SRPRA: variants seen among roughly 807,000 people sequenced by gnomAD.
SRPRA encodes signal recognition particle receptor subunit alpha.
A neutral mutation model predicts 61.1 loss-of-function variants in SRPRA; 30 were observed. The observed-to-expected ratio is 0.49, with a 90% CI of 0.37 to 0.67. The LOEUF (loss-of-function observed/expected upper bound fraction) is 0.67. Ranked by LOEUF, SRPRA falls within the 30% of genes least tolerant of loss-of-function variation. The pLI is 0.00. For missense variants in SRPRA, 759 were observed against 828.4 expected, an observed-to-expected ratio of 0.92 and a Z score of 1.03; for synonymous variants, 324 against 299.7, an observed-to-expected ratio of 1.08 and a Z score of -0.84.
the SRPRA span, among the ~76,000 whole-genome samples, chr11:126,237,680 T>TAAAAAA: frequency 1.2e-5 from 1 of 85,932 alleles, no homozygotes; most frequent in African/African-American, 4.7e-5. Flanking sequence ...CTGTCTCTAC[T>TAAAAAA]AAAAAAAAAA....
At chr11:126,250,765 GC>G in the SRPRA span, 1 of 1,499,490 alleles carries the variant, frequency 6.7e-7, no homozygotes, top group Admixed American at 1.8e-5. This position sits in a 1 kb window ranked among gnomAD's most constrained non-coding sequence, Gnocchi z 5.1. Flanking sequence ...CCTTCTTCAG[GC>G]TAGTGGATTT....
At chr11:126,241,225 A>G in the SRPRA span, 2 of 581,484 alleles carry the variant, frequency 3.4e-6, no homozygotes, top group Non-Finnish European at 5.8e-6. Context: ...CCTACTCAGG[A>G]CAGTTGTCTT....
rs1417040379 is a variant in SRPRA, at chr11:126,264,929, A to G, written c.1525+30T>C. ...ACCCAAGGAGAAAAAGGGACCCCAA[A>G]TAAGCCCCCACACTTCCCATGCACT... On this transcript the variant is annotated intron_variant, in intron 11 of 13. Transcript: ENST00000332118. The surrounding 1 kb of genome is among the most constrained non-coding windows in gnomAD (Gnocchi z 5.0). The G allele has an allele frequency of 1.9e-6, 3 of 1,592,964 alleles. No individual in the cohort carries two copies. The highest frequency in any genetic ancestry group is 1.1e-5 in the South Asian group (1 of 88,916).
chr11:126,268,151 T>G, intron 1 of SRPRA, 65 bp from the exon 2 acceptor site: 1 of 1,449,604 alleles, frequency 6.9e-7, no homozygotes, highest in Non-Finnish European at 9.7e-7. Context: ...GGCCCTGGGT[T>G]TGGATAACCT....
chr11:126,257,541 T>C, the SRPRA span, among the ~76,000 whole-genome samples: 2 of 150,428 alleles, frequency 1.3e-5, no homozygotes, highest in South Asian at 2.1e-4. Flanking sequence ...TAGAGACATA[T>C]GAGTAAAGGA....
In SRPRA at chr11:126,265,771, G is replaced by A. The variant is rs1458474367; in HGVS notation, c.1104C>T (p.Asn368=). The A allele has an allele frequency of 3.1e-6, 5 of 1,614,176 alleles. No homozygotes were observed. The highest frequency in any genetic ancestry group is 4.2e-6 in the Non-Finnish European group (5 of 1,180,048). Residue 368 remains asparagine (N), a synonymous_variant, in exon 9 of 14, where the codon AAC becomes AAT. Transcript: ENST00000332118. This position sits in a 1 kb window ranked among gnomAD's most constrained non-coding sequence, Gnocchi z 6.3. ...TCCCCATCACCTTCCCTTCCAACTT[G>A]TTGGCAACAGATTCACAGAGCTGGA... The part of the protein sequence containing the change: ...IAVQLCESVA[N]KLEGKVMGTF...
At chr11:126,266,158 A>G (rs774142680) in intron 7 of SRPRA, 29 bp downstream of exon 7, 2 of 1,613,360 alleles carry the variant, frequency 1.2e-6, no homozygotes, top group East Asian at 4.5e-5. Flanking sequence ...GCAGATGCAT[A>G]TACCAACCCC....
Position 126,266,469 on chromosome 11 carries a change from C to T in SRPRA, c.840+7G>A. 1 of 1,613,140 alleles carries T rather than the reference C, an allele frequency of 6.2e-7. No homozygotes were observed. Among genetic ancestry groups the T allele is most frequent in the South Asian group, 1.1e-5 (1 of 90,948 alleles). ...TAAAGATCACTTTGACCCCTGTTACCTCTTACCAGGTTGATGTCCTCAGAC... is the reference window on the plus strand; with the variant it reads ...TAAAGATCACTTTGACCCCTGTTACTTCTTACCAGGTTGATGTCCTCAGAC... On this transcript the variant is annotated splice_region_variant and intron_variant, in intron 6 of 13. Coordinates refer to ENST00000332118, the MANE Select transcript of SRPRA (RefSeq NM_003139.4).
chr11:126,251,840 G>A, the SRPRA span, among the ~76,000 whole-genome samples: 4 of 149,682 alleles, frequency 2.7e-5, no homozygotes, highest in Middle Eastern at 3.4e-3. Context: ...GTGCCACAAC[G>A]CCCGGCTAAT....
chr11:126,259,457 C>T (rs1249282496), downstream of SRPRA, among the ~76,000 whole-genome samples: 35 of 138,580 alleles, frequency 2.5e-4, no homozygotes, highest in Non-Finnish European at 4.7e-4. Flanking sequence ...GATGGAGTCT[C>T]GCTCTGACGC....
intron 5 of SRPRA, 58 bp downstream of exon 5, chr11:126,266,705 T>C: frequency 1.2e-6 from 2 of 1,609,306 alleles, no homozygotes; most frequent in Non-Finnish European, 1.7e-6. Context: ...CAGAACTCCC[T>C]TGCACCCATT....
chr11:126,241,001 A>G, the SRPRA span: 1 of 1,613,524 alleles, frequency 6.2e-7, no homozygotes, highest in Non-Finnish European at 8.5e-7. Flanking sequence ...GAAGACAAGA[A>G]CCTGGTCCAT....
chr11:126,264,548 A>G lies in SRPRA; in HGVS notation c.1526-9T>C. 1 of 1,612,096 alleles carries G rather than the reference A, an allele frequency of 6.2e-7. No homozygotes were observed. Among genetic ancestry groups the G allele is most frequent in the Non-Finnish European group, 8.5e-7 (1 of 1,179,864 alleles). On this transcript the variant is annotated splice_polypyrimidine_tract_variant and intron_variant, in intron 11 of 13. Transcript: ENST00000332118. The surrounding 1 kb of genome is among the most constrained non-coding windows in gnomAD (Gnocchi z 5.0). ...AAAGCCTTGGTTACGTGCTAGAGAAAGAAAGTAGTCAACTCTGAACACCTG... is the reference window on the plus strand; with the variant it reads ...AAAGCCTTGGTTACGTGCTAGAGAAGGAAAGTAGTCAACTCTGAACACCTG...
chr11:126,252,875 G>A, the SRPRA span, among the ~76,000 whole-genome samples: 1 of 151,892 alleles, frequency 6.6e-6, no homozygotes, highest in Non-Finnish European at 1.5e-5. This position sits in a 1 kb window ranked among gnomAD's most constrained non-coding sequence, Gnocchi z 4.7. Flanking sequence ...TCTTTACTAA[G>A]AATACAAAAA....
chr11:126,266,658 T>C (rs148171379), intron 5 of SRPRA, 29 bp from the exon 6 acceptor site: 13 of 1,611,208 alleles, frequency 8.1e-6, no homozygotes, highest in South Asian at 7.7e-5. Context: ...CAAAGAGTTA[T>C]GGTGGAGAAG....
At chr11:126,240,900 GA>G in the SRPRA span, 6 of 1,614,204 alleles carry the variant, frequency 3.7e-6, no homozygotes, top group South Asian at 6.6e-5. Context: ...TCAAATCCTG[GA>G]AGGGGTTAAT....
At position 126,264,048 on chromosome 11, in the gene SRPRA, A is replaced by C. The variant is rs1256943426; in HGVS notation, c.1789-4T>G. The C allele has an allele frequency of 6.2e-7, 1 of 1,614,114 alleles. No individual in the cohort carries two copies. The highest frequency in any genetic ancestry group is 1.7e-5 in the Admixed American group (1 of 60,030). ...TCATAGAAATAGCAGCTCCCACCTAAGTGGAGAAAGAGGACAGCCCATCAA... is the reference window on the plus strand; with the variant it reads ...TCATAGAAATAGCAGCTCCCACCTACGTGGAGAAAGAGGACAGCCCATCAA... On this transcript the variant is annotated splice_region_variant and splice_polypyrimidine_tract_variant and intron_variant, in intron 13 of 13. Coordinates refer to ENST00000332118, the MANE Select transcript of SRPRA (RefSeq NM_003139.4). The surrounding 1 kb of genome is among the most constrained non-coding windows in gnomAD (Gnocchi z 5.0).
At chr11:126,247,464 CT>C in the SRPRA span, among the ~76,000 whole-genome samples, 4 of 152,204 alleles carry the variant, frequency 2.6e-5, no homozygotes, top group Non-Finnish European at 4.4e-5. Flanking sequence ...CTTTTCTATT[CT>C]TTTTCTTAGA....
chr11:126,248,603 C>A, the SRPRA span, among the ~76,000 whole-genome samples: 1 of 152,014 alleles, frequency 6.6e-6, no homozygotes, highest in South Asian at 2.1e-4. Flanking sequence ...ATCTCTTGAC[C>A]TCGTGATCCA....
Sources: gnomAD v4.1 joint callset for allele counts (sites outside exome capture counted in the v4.1 genomes callset) on GRCh38, gnomAD v4.1.1 for gene constraint, Gnocchi (gnomAD v3.1) non-coding constraint, MANE v1.5 for transcripts, NCBI Gene and HGNC (gene_info 2026-07-23, HGNC 2026-07-21) for gene names.